The following AUTS2 variants were observed in gnomAD, a reference collection of about 807,000 sequenced individuals.
AUTS2 encodes the protein activator of transcription and developmental regulator AUTS2.
A neutral mutation model predicts 112.4 loss-of-function variants in AUTS2; 17 were observed. That is an observed-to-expected ratio of 0.15 (90% confidence interval 0.10 to 0.23). AUTS2 has a LOEUF of 0.23. Ranked by LOEUF, AUTS2 falls within the 10% of genes least tolerant of loss-of-function variation. The pLI is 1.00. For synonymous variants in AUTS2, 751 were observed against 702.7 expected, an observed-to-expected ratio of 1.07 and a Z score of -1.09; for missense variants, 1,510 against 1,701.6, an observed-to-expected ratio of 0.89 and a Z score of 1.98.
intron 5 of AUTS2, among the ~76,000 whole-genome samples, chr7:70,480,777 C>G (rs1209615265): frequency 3.3e-5 from 5 of 152,248 alleles, no homozygotes; most frequent in Non-Finnish European, 7.4e-5. Flanking sequence ...CATAATGGAC[C>G]ACCAGGAAAT....
At chr7:70,293,936 A>G (rs1312459897) in intron 4 of AUTS2, 3 of 152,172 alleles carry the variant, frequency 2.0e-5, no homozygotes, top group Non-Finnish European at 2.9e-5. Flanking sequence ...TGAGGGCTGG[A>G]AGGCATTCCT....
intron 1 of AUTS2, among the ~76,000 whole-genome samples, chr7:69,779,277 A>AT (rs1365251494): frequency 5.4e-4 from 82 of 152,214 alleles, no homozygotes; most frequent in African/African-American, 1.9e-3. Flanking sequence ...AGCCTGACAC[A>AT]TAGTGTCTGT....
Position 69,778,244 on chromosome 7 carries a change from A to AT in AUTS2, c.310-121041dup, listed in dbSNP as rs1394318380. On this transcript the variant is annotated intron_variant, in intron 1 of 18. Coordinates refer to ENST00000342771, the MANE Select transcript of AUTS2 (RefSeq NM_015570.4). ...CTTATCCCCATATATATATATATAT[A>AT]TATTTTTTTTTTTTTTTACTCATTT... 6.0e-5 allele frequency among the ~76,000 whole-genome samples: 5 copies of AT among 83,060 alleles called. No homozygotes were observed. In the South Asian group the frequency reaches 1.9e-3, roughly 31 times the overall value. 54.5% of individuals were successfully genotyped at this position (83,060 alleles called of 152,430 possible).
chr7:69,778,624 A>T (rs1480635986), intron 1 of AUTS2, among the ~76,000 whole-genome samples: 2 of 152,246 alleles, frequency 1.3e-5, no homozygotes, highest in South Asian at 2.1e-4. Flanking sequence ...AGTTAGCCTG[A>T]TCTTAAAGAA....
chr7:70,187,109 T>C (rs1809645284), intron 4 of AUTS2, among the ~76,000 whole-genome samples: 1 of 152,196 alleles, frequency 6.6e-6, no homozygotes, highest in Non-Finnish European at 1.5e-5. Context: ...GTTCAGTGGA[T>C]TGATAGTAGA....
chr7:69,813,398 AAGAG>A (rs1480063382), intron 1 of AUTS2, among the ~76,000 whole-genome samples: 3 of 152,272 alleles, frequency 2.0e-5, no homozygotes, highest in South Asian at 2.1e-4. Flanking sequence ...CATTTGGAAA[AAGAG>A]AGTGTGGTTT....
intron 2 of AUTS2, among the ~76,000 whole-genome samples, chr7:70,052,038 A>G (rs1801778095): frequency 6.6e-6 from 1 of 152,188 alleles, no homozygotes; most frequent in East Asian, 1.9e-4. Context: ...ACTACAATAT[A>G]TGGTCACAAC....
At chr7:69,709,246 C>A (rs1798202950) in intron 1 of AUTS2, among the ~76,000 whole-genome samples, 1 of 152,216 alleles carries the variant, frequency 6.6e-6, no homozygotes, top group African/African-American at 2.4e-5. Flanking sequence ...AAACCAGGCT[C>A]AGACTCCTTT....
chr7:69,653,278 G>A (rs1795373990), intron 1 of AUTS2, among the ~76,000 whole-genome samples: 1 of 152,192 alleles, frequency 6.6e-6, no homozygotes, highest in South Asian at 2.1e-4. Flanking sequence ...CTGCATCTGT[G>A]TCCTGTCCCC....
At chr7:69,760,312 G>C (rs1257776885) in intron 1 of AUTS2, among the ~76,000 whole-genome samples, 1 of 150,622 alleles carries the variant, frequency 6.6e-6, no homozygotes, top group Non-Finnish European at 1.5e-5. Flanking sequence ...TAGGATTGCA[G>C]GTGTGAGTCA....
At chr7:70,564,852 C>A (rs1446083432) in intron 5 of AUTS2, among the ~76,000 whole-genome samples, 1 of 152,152 alleles carries the variant, frequency 6.6e-6, no homozygotes. Context: ...GTAATCCCAG[C>A]ACTTTGGGAG....
chr7:69,684,178 A>G (rs1173204958), intron 1 of AUTS2, among the ~76,000 whole-genome samples: 1 of 152,096 alleles, frequency 6.6e-6, no homozygotes, highest in Non-Finnish European at 1.5e-5. Flanking sequence ...TGGGGAGGTG[A>G]TTAGGTGGGC....
chr7:69,675,228 C>T (rs1478610128), intron 1 of AUTS2, among the ~76,000 whole-genome samples: 1 of 152,198 alleles, frequency 6.6e-6, no homozygotes, highest in African/African-American at 2.4e-5. Flanking sequence ...ATGTGGCCTA[C>T]TTCCTTGATG....
intron 4 of AUTS2, among the ~76,000 whole-genome samples, chr7:70,435,290 G>A (rs756714372): frequency 2.2e-4 from 33 of 152,208 alleles, no homozygotes; most frequent in Non-Finnish European, 4.4e-4. Context: ...CTCTTTTCCT[G>A]TAGAAAAGCA....
At chr7:69,662,936 C>T (rs1455114942) in intron 1 of AUTS2, among the ~76,000 whole-genome samples, 1 of 152,032 alleles carries the variant, frequency 6.6e-6, no homozygotes, top group Non-Finnish European at 1.5e-5. Context: ...TAGTTCTATC[C>T]CGTGTGATTT....
intron 2 of AUTS2, among the ~76,000 whole-genome samples, chr7:70,106,309 T>G (rs931259082): frequency 6.6e-6 from 1 of 152,190 alleles, no homozygotes; most frequent in African/African-American, 2.4e-5. Flanking sequence ...GGTGCTCCAT[T>G]GACCCTTTAT....
chr7:70,781,194 C>A (rs1791044970), intron 14 of AUTS2, among the ~76,000 whole-genome samples: 1 of 151,804 alleles, frequency 6.6e-6, no homozygotes, highest in Non-Finnish European at 1.5e-5. Flanking sequence ...AACCCCATAT[C>A]GACAAAAAAT....
intron 5 of AUTS2, among the ~76,000 whole-genome samples, chr7:70,449,974 T>C (rs1012470060): frequency 6.6e-6 from 1 of 152,140 alleles, no homozygotes. Context: ...AAATTACATA[T>C]CTAGGGTACA....
intron 4 of AUTS2, among the ~76,000 whole-genome samples, chr7:70,431,116 C>T (rs569010469): frequency 2.0e-5 from 3 of 152,182 alleles, no homozygotes; most frequent in Non-Finnish European, 4.4e-5. Context: ...GTATTACAGG[C>T]GTGAGCCACC....
Sources: allele counts gnomAD v4.1 joint callset (sites outside exome capture counted in the v4.1 genomes callset), GRCh38; gene constraint gnomAD v4.1.1; transcripts MANE v1.5; gene names NCBI Gene and HGNC (gene_info 2026-07-23, HGNC 2026-07-21).